The following ODAD3 variants were observed in gnomAD, a reference collection of about 807,000 sequenced individuals.
ODAD3 encodes the protein outer dynein arm-docking complex subunit 3.
A neutral mutation model predicts 70.9 loss-of-function variants in ODAD3; 57 were observed. The observed-to-expected ratio is 0.80, with a 90% CI of 0.65 to 1.00. ODAD3 has a LOEUF of 1.00. Among genes scored for constraint, ODAD3 ranks in the 50% least tolerant of loss-of-function variants. The probability of loss-of-function intolerance (pLI) is 0.00; values close to 1 mark genes in which losing one functional copy is unlikely to be tolerated. For missense variants in ODAD3, 797 were observed against 763.9 expected, an observed-to-expected ratio of 1.04 and a Z score of -0.51; for synonymous variants, 327 against 315.9, an observed-to-expected ratio of 1.04 and a Z score of -0.37.
intron 3 of ODAD3, among the ~76,000 whole-genome samples, chr19:11,427,689 C>T (rs1969414048): frequency 6.6e-6 from 1 of 151,986 alleles, no homozygotes; most frequent in South Asian, 2.1e-4. Context: ...ACCACGTTGA[C>T]CAGGCTGGTC....
chr19:11,421,681 C>T lies in ODAD3; in HGVS notation c.1586G>A (p.Arg529His). ...TGCCCCATGGCTGCAGGGCACCTCGCGGTTAGCGATGTGGCACAGCATCTC... is the reference window on the plus strand; with the variant it reads ...TGCCCCATGGCTGCAGGGCACCTCGTGGTTAGCGATGTGGCACAGCATCTC... ...VQEMLCHIAN[R>H]EFLASLEGRL... Residue 529 changes from arginine to histidine, a missense_variant, in exon 11 of 13, where the codon CGC becomes CAC. Transcript: ENST00000356392. The T allele has an allele frequency of 1.2e-6, 2 of 1,611,656 alleles. No homozygotes were observed. Among genetic ancestry groups the T allele is most frequent in the Non-Finnish European group, 8.5e-7 (1 of 1,178,930 alleles).
chr19:11,428,611 C>T (rs567836376), intron 3 of ODAD3, among the ~76,000 whole-genome samples: 29 of 152,222 alleles, frequency 1.9e-4, no homozygotes, highest in South Asian at 1.9e-3. Flanking sequence ...TGCAGTGGCA[C>T]GAACATGACT....
intron 7 of ODAD3, among the ~76,000 whole-genome samples, chr19:11,425,270 T>C (rs1171720021): frequency 2.1e-5 from 3 of 139,960 alleles, no homozygotes; most frequent in Non-Finnish European, 3.0e-5. Context: ...CATATGTGTA[T>C]ATGTGTGTAT....
intron 3 of ODAD3, among the ~76,000 whole-genome samples, chr19:11,428,860 T>C: frequency 7.6e-6 from 1 of 131,274 alleles, no homozygotes; most frequent in Middle Eastern, 3.7e-3. Flanking sequence ...TGTGTTTTAT[T>C]TTTTATTTAT....
intron 8 of ODAD3, among the ~76,000 whole-genome samples, chr19:11,423,500 A>T (rs1969190395): frequency 6.6e-6 from 1 of 152,160 alleles, no homozygotes; most frequent in African/African-American, 2.4e-5. Context: ...GGATCTGAGG[A>T]TGGTACTGGG....
Position 11,424,568 on chromosome 19 carries a change from T to C in ODAD3, c.964-539A>G, listed in dbSNP as rs180860525. ...ATATATACCTATGTGTATATATGTA[T>C]ATATGTGTATATATACCTATGTGTA... On this transcript the variant is annotated intron_variant, in intron 7 of 12. Transcript: ENST00000356392. Among the ~76,000 whole-genome samples, 643 of 139,154 alleles carry C rather than the reference T, an allele frequency of 4.6e-3. 8 individuals are homozygous for C. Among genetic ancestry groups the C allele is most frequent in the South Asian group, 8.1e-3 (38 of 4,716 alleles). The allele number at this position is 139,154 out of a possible 152,430, so 91.3% of individuals were successfully genotyped here.
intron 2 of ODAD3, 45 bp downstream of exon 2, chr19:11,430,854 C>T (rs748149946): frequency 6.2e-7 from 1 of 1,613,876 alleles, no homozygotes; most frequent in Non-Finnish European, 8.5e-7. Flanking sequence ...TGTCCCCCAC[C>T]ATCCACCGCC....
At position 11,426,192 on chromosome 19, in the gene ODAD3, C is replaced by G; in HGVS notation, c.915G>C (p.Lys305Asn). ...CCAGTTTCTTCTCCTCGGCGCGCTTCTTGCACTCACTTATGTAGCGTTCCC... is the reference window on the plus strand; with the variant it reads ...CCAGTTTCTTCTCCTCGGCGCGCTTGTTGCACTCACTTATGTAGCGTTCCC... ...KKRERYISEC[K>N]KRAEEKKLEN... Residue 305 changes from lysine (K) to asparagine (N), a missense_variant, in exon 7 of 13, where the codon AAG becomes AAC. Transcript: ENST00000356392. The G allele has an allele frequency of 6.2e-7, 1 of 1,613,708 alleles. No individual in the cohort carries two copies. The highest frequency in any genetic ancestry group is 1.3e-5 in the African/African-American group (1 of 75,034).
intron 7 of ODAD3, among the ~76,000 whole-genome samples, chr19:11,425,529 A>G (rs1431544556): frequency 7.1e-6 from 1 of 140,336 alleles, no homozygotes; most frequent in Non-Finnish European, 1.5e-5. Context: ...GTATATATGT[A>G]TATATGTGTG....
intron 7 of ODAD3, among the ~76,000 whole-genome samples, chr19:11,425,016 T>C (rs1969257698): frequency 7.5e-6 from 1 of 132,518 alleles, no homozygotes; most frequent in South Asian, 2.3e-4. Flanking sequence ...TATATGTGTA[T>C]ATATACATAT....
At chr19:11,425,617 G>A (rs1480730289) in intron 7 of ODAD3, among the ~76,000 whole-genome samples, 1 of 137,084 alleles carries the variant, frequency 7.3e-6, no homozygotes, top group Non-Finnish European at 1.5e-5. Flanking sequence ...GTGTATATAT[G>A]CATATATGCA....
rs1451644809 is a variant in ODAD3, at chr19:11,434,221, A to C, written c.244+552T>G. Among the ~76,000 whole-genome samples, 133 of 147,308 alleles carry C rather than the reference A, an allele frequency of 9.0e-4. 6 individuals carry two copies. The highest frequency in any genetic ancestry group is 4.2e-3 in the South Asian group (20 of 4,742). ...GAGCAAGACCCTGTCTCAAAAAACA[A>C]AAAACAAAACAAAAAAAAACGCGGG... On this transcript the variant is annotated intron_variant, in intron 1 of 12. Transcript: ENST00000356392.
intron 3 of ODAD3, among the ~76,000 whole-genome samples, chr19:11,429,837 CT>C (rs760906180): frequency 0.048 from 6,492 of 134,772 alleles, 392 homozygotes; most frequent in African/African-American, 0.15. Flanking sequence ...CGCGCCCAGC[CT>C]TTTTTTTTTT....
At position 11,422,994 on chromosome 19, in the gene ODAD3, A is replaced by G; in HGVS notation, c.1117-133T>C. The stretch of plus-strand genomic sequence containing the variant: ...GCTGGCGCCTTTTGCACAGCAATGT[A>G]TGGGGACACTGTGGGTTGGACGCAG... On this transcript the variant is annotated intron_variant, in intron 8 of 12. Transcript: ENST00000356392. This position sits in a 1 kb window ranked among gnomAD's most constrained non-coding sequence, Gnocchi z 4.6. 1 of 958,626 alleles carries G rather than the reference A, an allele frequency of 1.0e-6. No homozygotes were observed. The highest frequency in any genetic ancestry group is 1.5e-6 in the Non-Finnish European group (1 of 658,162). The allele number at this position is 958,626 out of a possible 1,614,324, so 59.4% of individuals were successfully genotyped here. A position where few individuals can be genotyped will look rare whatever the true frequency, so the allele number is the denominator to read the frequency against.
At chr19:11,426,815 C>G (rs777209722) in intron 4 of ODAD3, 31 bp from the exon 5 acceptor site, 2 of 1,613,446 alleles carry the variant, frequency 1.2e-6, no homozygotes, top group South Asian at 2.2e-5. Flanking sequence ...GCTGAGGGCC[C>G]TCCGCACTCA....
At position 11,421,733 on chromosome 19, in the gene ODAD3, C is replaced by T. The variant is rs1029818682; in HGVS notation, c.1534G>A (p.Ala512Thr). ...LVEEKLLKLQAQLQGHDVQEM... is the reference protein window; with the variant it reads ...LVEEKLLKLQTQLQGHDVQEM... The stretch of plus-strand genomic sequence containing the variant: ...TGCACGTCGTGGCCCTGGAGCTGCG[C>T]CTGCAGTTTCAGCAGCTTTTCCTCC... The change falls in exon 11 of 13, where the codon GCG becomes ACG. Residue 512 changes from alanine to threonine, a missense_variant. By Grantham distance (58) the Ala-to-Thr change is moderately conservative. Transcript: ENST00000356392. 6.2e-7 allele frequency: 1 copy of T among 1,613,444 alleles called. No homozygotes were observed. Among genetic ancestry groups the T allele is most frequent in the Non-Finnish European group, 8.5e-7 (1 of 1,179,998 alleles).
chr19:11,432,483 C>A (rs1022949775), intron 1 of ODAD3, among the ~76,000 whole-genome samples: 3 of 152,038 alleles, frequency 2.0e-5, no homozygotes, highest in Non-Finnish European at 2.9e-5. Flanking sequence ...TGGCCTCTAG[C>A]AATCCTCCTG....
chr19:11,425,323 ATG>A lies in ODAD3; in HGVS notation c.963+819_963+820del, dbSNP rs1555722420. On this transcript the variant is annotated intron_variant, in intron 7 of 12. Coordinates refer to ENST00000356392, the MANE Select transcript of ODAD3 (RefSeq NM_145045.5). ...TATGTGTATGTGTACATATGTGTAT[ATG>A]TACATATGTGTATATATGTATATAT... 1.2e-3 allele frequency among the ~76,000 whole-genome samples: 160 copies of A among 129,690 alleles called. 8 individuals carry two copies. The highest frequency in any genetic ancestry group is 1.7e-3 in the Admixed American group (23 of 13,308). The allele number at this position is 129,690 out of a possible 152,430, so 85.1% of individuals were successfully genotyped here. A position where few individuals can be genotyped will look rare whatever the true frequency, so the allele number is the denominator to read the frequency against.
Position 11,424,039 on chromosome 19 carries a change from G to A in ODAD3, c.964-10C>T. The A allele has an allele frequency of 1.2e-6, 2 of 1,604,546 alleles. No individual in the cohort carries two copies. The highest frequency in any genetic ancestry group is 8.5e-7 in the Non-Finnish European group (1 of 1,178,258). ...GGTGCTCGCGGTGGGTCTGCTCGTG[G>A]GTTGAGGTCAGAGCCAGGGTCAGCT... On this transcript the variant is annotated splice_polypyrimidine_tract_variant and intron_variant, in intron 7 of 12. Coordinates refer to ENST00000356392, the MANE Select transcript of ODAD3 (RefSeq NM_145045.5).
Sources: gnomAD v4.1 joint callset for allele counts (sites outside exome capture counted in the v4.1 genomes callset) on GRCh38, gnomAD v4.1.1 for gene constraint, Gnocchi (gnomAD v3.1) non-coding constraint, MANE v1.5 for transcripts, NCBI Gene and HGNC (gene_info 2026-07-23, HGNC 2026-07-21) for gene names.